TECRL: variants seen among roughly 807,000 people sequenced by gnomAD.
TECRL encodes the protein trans-2,3-enoyl-CoA reductase like, also known as trans-2,3-enoyl-CoA reductase-like.
Under a neutral mutation model 52.8 loss-of-function variants are expected in TECRL, and 63 were observed. That is an observed-to-expected ratio of 1.19 (90% CI 0.97 to 1.47). The LOEUF (loss-of-function observed/expected upper bound fraction) is 1.47. Ranked by LOEUF, TECRL falls within the 40% of genes most tolerant of loss-of-function variation. The probability of loss-of-function intolerance (pLI) is 0.00; values close to 1 mark genes in which losing one functional copy is unlikely to be tolerated. For synonymous variants in TECRL, 164 were observed against 141.9 expected, an observed-to-expected ratio of 1.16 and a Z score of -1.10; for missense variants, 482 against 429.6, an observed-to-expected ratio of 1.12 and a Z score of -1.08.
chr4:64,327,135 TG>T (rs1365786516), intron 3 of TECRL, among the ~76,000 whole-genome samples: 2 of 152,112 alleles, frequency 1.3e-5, no homozygotes, highest in Non-Finnish European at 2.9e-5. Context: ...TGTAGAAATC[TG>T]AATCAATCCA....
intron 2 of TECRL, among the ~76,000 whole-genome samples, chr4:64,338,542 G>A (rs1452325489): frequency 6.6e-6 from 1 of 152,042 alleles, no homozygotes; most frequent in Non-Finnish European, 1.5e-5. Context: ...ATCTGACAAA[G>A]GGCTTATATC....
chr4:64,277,969 A>C lies in TECRL; in HGVS notation c.*2103T>G, dbSNP rs1040112954. ...TGTAAAAATAGAACAAATTTTTTCCACTCTGAATGTGCCCAAATTACCAAT... is the reference window on the plus strand; with the variant it reads ...TGTAAAAATAGAACAAATTTTTTCCCCTCTGAATGTGCCCAAATTACCAAT... On this transcript the variant is annotated 3_prime_UTR_variant, in exon 12 of 12. Coordinates refer to ENST00000381210, the MANE Select transcript of TECRL (RefSeq NM_001010874.5). 1 of 151,568 alleles carries C rather than the reference A, an allele frequency of 6.6e-6. No individual in the cohort carries two copies. The highest frequency in any genetic ancestry group is 2.4e-5 in the African/African-American group (1 of 41,364). 9.4% of individuals were successfully genotyped at this position (151,568 alleles called of 1,614,324 possible).
chr4:64,394,986 C>T (rs1016899498), intron 1 of TECRL, among the ~76,000 whole-genome samples: 2 of 146,248 alleles, frequency 1.4e-5, no homozygotes, highest in African/African-American at 2.5e-5. Context: ...AATCTCAGCT[C>T]ACCACAACCT....
intron 1 of TECRL, among the ~76,000 whole-genome samples, chr4:64,390,708 C>A (rs1233404006): frequency 1.3e-5 from 2 of 151,762 alleles, no homozygotes; most frequent in South Asian, 4.1e-4. Flanking sequence ...TTTAAGATAA[C>A]TAGAATAAAT....
chr4:64,317,897 G>A (rs1451510611), intron 4 of TECRL, among the ~76,000 whole-genome samples: 2 of 152,050 alleles, frequency 1.3e-5, no homozygotes, highest in Non-Finnish European at 2.9e-5. Flanking sequence ...AGCCTGATAA[G>A]AACAGATTTT....
Position 64,323,064 on chromosome 4 carries a change from T to C in TECRL, c.332-272A>G, listed in dbSNP as rs282247. On this transcript the variant is annotated intron_variant, in intron 3 of 11. Transcript: ENST00000381210. The stretch of plus-strand genomic sequence containing the variant: ...TATCCTATTATTTCTGAGAACATGT[T>C]ATATTAGGACCTAAACAAATAACAT... Among the ~76,000 whole-genome samples, 146,129 of 152,110 alleles carry C rather than the reference T, an allele frequency of 0.96. 70,463 individuals carry two copies. The highest frequency in any genetic ancestry group is 1 in the East Asian group (5,150 of 5,150).
At position 64,338,079 on chromosome 4, in the gene TECRL, G is replaced by T. The variant is rs186112665; in HGVS notation, c.287-9523C>A. ...AAACAGCATGGTACTGGTACCAAAA[G>T]AGAGATATAGACCAATGGAACAGAA... On this transcript the variant is annotated intron_variant, in intron 2 of 11. Transcript: ENST00000381210. Among the ~76,000 whole-genome samples the T allele has an allele frequency of 2.3e-3, 357 of 152,136 alleles. 1 individual carries two copies. The highest frequency in any genetic ancestry group is 8.3e-3 in the African/African-American group (345 of 41,518).
intron 7 of TECRL, among the ~76,000 whole-genome samples, 200 bp from the exon 8 acceptor site, chr4:64,300,217 T>A (rs1723937334): frequency 6.6e-6 from 1 of 150,646 alleles, no homozygotes; most frequent in Admixed American, 6.7e-5. Context: ...GTTATTAACA[T>A]AATGATATTT....
At chr4:64,369,369 C>A (rs539700738) in intron 2 of TECRL, among the ~76,000 whole-genome samples, 27 of 152,130 alleles carry the variant, frequency 1.8e-4, no homozygotes, top group African/African-American at 6.3e-4. Context: ...TGCCATATGA[C>A]CTTAGACAGG....
chr4:64,315,361 G>A (rs1266085904), intron 4 of TECRL, among the ~76,000 whole-genome samples: 2 of 152,042 alleles, frequency 1.3e-5, no homozygotes, highest in East Asian at 3.9e-4. Flanking sequence ...GAACTATAGA[G>A]AGACACTAAC....
chr4:64,372,303 G>T (rs1011656896), intron 2 of TECRL, among the ~76,000 whole-genome samples: 2 of 151,786 alleles, frequency 1.3e-5, no homozygotes, highest in African/African-American at 4.8e-5. Flanking sequence ...CATTAAATGA[G>T]AAAAGCATAA....
chr4:64,375,191 C>T lies in TECRL; in HGVS notation c.267G>A (p.Lys89=). 7.2e-7 allele frequency: 1 copy of T among 1,396,022 alleles called. No homozygotes were observed. Among genetic ancestry groups the T allele is most frequent in the Admixed American group, 2.8e-5 (1 of 35,308 alleles). 86.5% of individuals were successfully genotyped at this position (1,396,022 alleles called of 1,614,324 possible). A position where few individuals can be genotyped will look rare whatever the true frequency, so the allele number is the denominator to read the frequency against. Residue 89 remains lysine (K), a synonymous_variant, in exon 2 of 12, where the codon AAG becomes AAA. Coordinates refer to ENST00000381210, the MANE Select transcript of TECRL (RefSeq NM_001010874.5). ...VTQSSTIHDV[K]QKFHKACPKW... ...ACTTACATGCTTTGTGAAACTTTTG[C>T]TTAACATCATGAATAGTAGATGATT...
intron 9 of TECRL, among the ~76,000 whole-genome samples, chr4:64,286,303 C>T (rs1469871960): frequency 6.6e-6 from 1 of 151,740 alleles, no homozygotes; most frequent in Non-Finnish European, 1.5e-5. Context: ...AAGAAACTTT[C>T]CCAGTAATAT....
intron 1 of TECRL, among the ~76,000 whole-genome samples, chr4:64,380,321 G>A (rs960314880): frequency 2.0e-5 from 3 of 151,944 alleles, no homozygotes; most frequent in African/African-American, 2.4e-5. Context: ...TTAGTCCCTC[G>A]TCAGAGGAAT....
chr4:64,312,134 T>C (rs753901852), intron 5 of TECRL, among the ~76,000 whole-genome samples: 1 of 152,218 alleles, frequency 6.6e-6, no homozygotes, highest in Non-Finnish European at 1.5e-5. Context: ...ATCTGCCTTC[T>C]ACATGAACTT....
intron 2 of TECRL, among the ~76,000 whole-genome samples, chr4:64,332,016 A>G (rs1247255413): frequency 6.6e-6 from 1 of 152,166 alleles, no homozygotes; most frequent in African/African-American, 2.4e-5. Context: ...ATATTTTATC[A>G]AAATCTCCAC....
At chr4:64,395,882 G>A (rs1031071099) in intron 1 of TECRL, among the ~76,000 whole-genome samples, 2 of 152,054 alleles carry the variant, frequency 1.3e-5, no homozygotes, top group African/African-American at 4.8e-5. Flanking sequence ...GTGTCCATAT[G>A]TAATCAATGT....
At chr4:64,397,611 C>A (rs1322611035) in intron 1 of TECRL, 19 of 151,822 alleles carry the variant, frequency 1.3e-4, no homozygotes, top group Admixed American at 1.1e-3. Flanking sequence ...TGATTAGGTA[C>A]TGAATCTGCT....
intron 2 of TECRL, among the ~76,000 whole-genome samples, chr4:64,328,809 G>A (rs942280952): frequency 1.3e-5 from 2 of 151,874 alleles, no homozygotes; most frequent in African/African-American, 4.8e-5. Context: ...TGTTATATAG[G>A]TGTGTTCAGG....
Sources: allele counts gnomAD v4.1 joint callset (sites outside exome capture counted in the v4.1 genomes callset), GRCh38; gene constraint gnomAD v4.1.1; transcripts MANE v1.5; gene names NCBI Gene and HGNC (gene_info 2026-07-23, HGNC 2026-07-21).